The following SLC30A3 variants were observed in gnomAD, a reference collection of about 807,000 sequenced individuals.
SLC30A3 encodes the protein solute carrier family 30 member 3.
In SLC30A3, 20 loss-of-function variants were observed where a neutral mutation model predicts 35.6. That is an observed-to-expected ratio of 0.56 (90% CI 0.39 to 0.82). The LOEUF is 0.82. Among genes scored for constraint, SLC30A3 ranks in the 40% least tolerant of loss-of-function variants. SLC30A3 has a pLI of 0.00. For missense variants in SLC30A3, 401 were observed against 530.6 expected, an observed-to-expected ratio of 0.76 and a Z score of 2.40; for synonymous variants, 217 against 224.7, an observed-to-expected ratio of 0.97 and a Z score of 0.31.
At position 27,262,193 on chromosome 2, in the gene SLC30A3, C is replaced by T. The variant is rs989805659; in HGVS notation, c.95+619G>A. ...GCTCCGCGCGCCTCATTTCACACCT[C>T]GCCGCCCCCGGCCCCGTCTGTGCGG... On this transcript the variant is annotated intron_variant, in intron 1 of 7. Coordinates refer to ENST00000233535, the MANE Select transcript of SLC30A3 (RefSeq NM_003459.5). The surrounding 1 kb of genome is among the most constrained non-coding windows in gnomAD (Gnocchi z 7.5). The T allele has an allele frequency of 1.3e-5, 2 of 152,060 alleles. No individual in the cohort carries two copies. Among genetic ancestry groups the T allele is most frequent in the Non-Finnish European group, 2.9e-5 (2 of 68,026 alleles). 9.4% of individuals were successfully genotyped at this position (152,060 alleles called of 1,614,324 possible). A position where few individuals can be genotyped will look rare whatever the true frequency, so the allele number is the denominator to read the frequency against.
chr2:27,257,822 G>T lies in SLC30A3; in HGVS notation c.578+83C>A. ...TGTGCGTGTCTGTGTGTCTGGTGGGGAGGAGAGAGCCAGCTCTCCCATCCT... is the reference window on the plus strand; with the variant it reads ...TGTGCGTGTCTGTGTGTCTGGTGGGTAGGAGAGAGCCAGCTCTCCCATCCT... On this transcript the variant is annotated intron_variant, in intron 4 of 7. Coordinates refer to ENST00000233535, the MANE Select transcript of SLC30A3 (RefSeq NM_003459.5). This position sits in a 1 kb window ranked among gnomAD's most constrained non-coding sequence, Gnocchi z 4.7. The T allele has an allele frequency of 7.3e-7, 1 of 1,366,906 alleles. No individual in the cohort carries two copies. The highest frequency in any genetic ancestry group is 1.0e-6 in the Non-Finnish European group (1 of 987,390). 84.7% of individuals were successfully genotyped at this position (1,366,906 alleles called of 1,614,324 possible).
At chr2:27,256,754 C>A in intron 6 of SLC30A3, 34 bp downstream of exon 6, 2 of 1,488,206 alleles carry the variant, frequency 1.3e-6, no homozygotes, top group Non-Finnish European at 1.9e-6. Flanking sequence ...TCAGAGAGGG[C>A]CACAGGGATG....
At position 27,258,067 on chromosome 2, in the gene SLC30A3, G is replaced by T. The variant is rs78757682; in HGVS notation, c.425-9C>A. ...CAAAGCCCCCAGAGTCTCTGCGGGT[G>T]GGGGGGGAGACAAGCTGTCAGAGAC... On this transcript the variant is annotated splice_polypyrimidine_tract_variant and intron_variant, in intron 3 of 7. Coordinates refer to ENST00000233535, the MANE Select transcript of SLC30A3 (RefSeq NM_003459.5). This position sits in a 1 kb window ranked among gnomAD's most constrained non-coding sequence, Gnocchi z 4.0. 1.2e-4 allele frequency: 191 copies of T among 1,609,332 alleles called. No homozygotes were observed. Among genetic ancestry groups the T allele is most frequent in the Non-Finnish European group, 1.4e-4 (161 of 1,176,902 alleles).
chr2:27,259,478 T>G (rs1387212362), intron 1 of SLC30A3, among the ~76,000 whole-genome samples: 2 of 146,292 alleles, frequency 1.4e-5, no homozygotes, highest in South Asian at 2.1e-4. Context: ...GGCAACAGAG[T>G]GAGAGACTGT....
At chr2:27,256,304 A>ACC in intron 7 of SLC30A3, 82 bp downstream of exon 7, 3 of 1,512,458 alleles carry the variant, frequency 2.0e-6, no homozygotes, top group Non-Finnish European at 2.7e-6. Flanking sequence ...GACTGAAACA[A>ACC]TTCCAGTAAC....
At chr2:27,269,647 G>A (rs553413824) in intron 1 of SLC30A3, among the ~76,000 whole-genome samples, 26 of 152,108 alleles carry the variant, frequency 1.7e-4, no homozygotes, top group Admixed American at 1.6e-3. Context: ...CTCTAAAGAA[G>A]AGAAGAAAGA....
In SLC30A3 at chr2:27,256,514, G is replaced by A; in HGVS notation, c.890C>T (p.Pro297Leu). The change falls in exon 7 of 8, where the codon CCC (proline) becomes CTC (leucine). Residue 297 changes from proline to leucine, a missense_variant. Coordinates refer to ENST00000233535, the MANE Select transcript of SLC30A3 (RefSeq NM_003459.5). ...CACAGGTTCGAACCCCACATTGCGG[G>A]GGGTACCTGCAACCAGCACCAGTCA... ...DVLRILMEGT[P>L]RNVGFEPVRD... 6.2e-7 allele frequency: 1 copy of A among 1,613,952 alleles called. No homozygotes were observed. The highest frequency in any genetic ancestry group is 2.2e-5 in the East Asian group (1 of 44,880).
chr2:27,257,792 C>T lies in SLC30A3; in HGVS notation c.578+113G>A. On this transcript the variant is annotated intron_variant, in intron 4 of 7. Transcript: ENST00000233535. The surrounding 1 kb of genome is among the most constrained non-coding windows in gnomAD (Gnocchi z 4.7). The stretch of plus-strand genomic sequence containing the variant: ...CACACGCAGGGCAGCCCATGGAGAG[C>T]TGTGTGTGCGTGTCTGTGTGTCTGG... 1.9e-6 allele frequency: 2 copies of T among 1,070,338 alleles called. No homozygotes were observed. Among genetic ancestry groups the T allele is most frequent in the Non-Finnish European group, 2.7e-6 (2 of 730,600 alleles). 66.3% of individuals were successfully genotyped at this position (1,070,338 alleles called of 1,614,324 possible).
upstream of SLC30A3, chr2:27,275,500 T>A: frequency 3.0e-6 from 1 of 330,712 alleles, no homozygotes; most frequent in Non-Finnish European, 6.0e-6. Flanking sequence ...GGTGTGAAGT[T>A]TCACACCCAA....
At chr2:27,269,706 GA>G in intron 1 of SLC30A3, among the ~76,000 whole-genome samples, 1 of 151,870 alleles carries the variant, frequency 6.6e-6, no homozygotes, top group South Asian at 2.1e-4. Context: ...TCCACAGTCA[GA>G]ATTAGCCAGG....
chr2:27,263,150 C>T, upstream of SLC30A3: 1 of 1,309,292 alleles, frequency 7.6e-7, no homozygotes. Flanking sequence ...GGCCTCTCCC[C>T]ACCCTTAAGC....
intron 1 of SLC30A3, 76 bp from the exon 2 acceptor site, chr2:27,259,010 T>G: frequency 8.2e-7 from 1 of 1,226,324 alleles, no homozygotes; most frequent in Middle Eastern, 2.9e-4. Context: ...TAGTCCCCAG[T>G]GCTGGCCTCA....
Position 27,262,601 on chromosome 2 carries a change from G to A in SLC30A3, c.95+211C>T, listed in dbSNP as rs1677265427. On this transcript the variant is annotated intron_variant, in intron 1 of 7. Transcript: ENST00000233535. This position sits in a 1 kb window ranked among gnomAD's most constrained non-coding sequence, Gnocchi z 7.5. ...AGGGGAGTGAGAGGCCGCTTCACCCGAGGAAGTCAGGCGGCCGGGAGGAGG... is the reference window on the plus strand; with the variant it reads ...AGGGGAGTGAGAGGCCGCTTCACCCAAGGAAGTCAGGCGGCCGGGAGGAGG... 6.6e-6 allele frequency among the ~76,000 whole-genome samples: 1 copy of A among 152,160 alleles called. No individual in the cohort carries two copies. The highest frequency in any genetic ancestry group is 1.5e-5 in the Non-Finnish European group (1 of 68,000).
chr2:27,263,075 CCCG>C (rs1677309201), upstream of SLC30A3: 26 of 1,351,146 alleles, frequency 1.9e-5, no homozygotes, highest in Non-Finnish European at 2.4e-5. Flanking sequence ...AACTGCAGAT[CCCG>C]CTGCCGCCGG....
At chr2:27,256,123 T>G in intron 7 of SLC30A3, 1 of 504,066 alleles carries the variant, frequency 2.0e-6, no homozygotes, top group South Asian at 2.5e-5. Context: ...TTTTAAAGGG[T>G]TGTTGGTTCC....
chr2:27,262,736 C>A lies in SLC30A3; in HGVS notation c.95+76G>T. On this transcript the variant is annotated intron_variant, in intron 1 of 7. Coordinates refer to ENST00000233535, the MANE Select transcript of SLC30A3 (RefSeq NM_003459.5). This position sits in a 1 kb window ranked among gnomAD's most constrained non-coding sequence, Gnocchi z 7.5. ...CTGGGGCGGCCGCCGGGGCCCGCGC[C>A]GAGAGAGACAACGAAATGGACGGAG... 1 of 1,374,020 alleles carries A rather than the reference C, an allele frequency of 7.3e-7. No homozygotes were observed. The highest frequency in any genetic ancestry group is 1.6e-5 in the South Asian group (1 of 63,362). The allele number at this position is 1,374,020 out of a possible 1,614,324, so 85.1% of individuals were successfully genotyped here. A position where few individuals can be genotyped will look rare whatever the true frequency, so the allele number is the denominator to read the frequency against.
At chr2:27,263,217 C>G, upstream of SLC30A3, 1 of 779,392 alleles carries the variant, frequency 1.3e-6, no homozygotes, top group Non-Finnish European at 1.8e-6. Context: ...AGCGCCCCGC[C>G]ACCCGAGTTC....
intron 1 of SLC30A3, among the ~76,000 whole-genome samples, chr2:27,274,693 GA>G (rs140601607): frequency 0.053 from 7,798 of 147,012 alleles, 630 homozygotes; most frequent in African/African-American, 0.18. Flanking sequence ...AAAGAAAAAA[GA>G]AAAAAAAAAT....
Position 27,262,771 on chromosome 2 carries a change from G to A in SLC30A3, c.95+41C>T, listed in dbSNP as rs755949431. 2.0e-6 allele frequency: 3 copies of A among 1,480,712 alleles called. No individual in the cohort carries two copies. Among genetic ancestry groups the A allele is most frequent in the Admixed American group, 2.8e-5 (1 of 35,804 alleles). 91.7% of individuals were successfully genotyped at this position (1,480,712 alleles called of 1,614,324 possible). On this transcript the variant is annotated intron_variant, in intron 1 of 7. Transcript: ENST00000233535. The surrounding 1 kb of genome is among the most constrained non-coding windows in gnomAD (Gnocchi z 7.5). Reference sequence around the variant, plus strand: ...AACGAAATGGACGGAGGGTAGTAGGGTGGCGCCCCCGGGCCGAGGGCCAGC... The same window carrying A: ...AACGAAATGGACGGAGGGTAGTAGGATGGCGCCCCCGGGCCGAGGGCCAGC...
Sources: allele counts gnomAD v4.1 joint callset (sites outside exome capture counted in the v4.1 genomes callset), GRCh38; gene constraint gnomAD v4.1.1; non-coding constraint Gnocchi (gnomAD v3.1); transcripts MANE v1.5; gene names NCBI Gene and HGNC (gene_info 2026-07-23, HGNC 2026-07-21).